PSKH1: variants seen among roughly 807,000 people sequenced by gnomAD.
PSKH1 encodes serine/threonine-protein kinase H1.
PSKH1 carries 12 observed loss-of-function variants against 26.7 expected under a neutral mutation model. That is an observed-to-expected ratio of 0.45 (90% CI 0.29 to 0.73). The LOEUF (loss-of-function observed/expected upper bound fraction) is 0.73, where lower values mean the gene tolerates loss of function less well. Ranked by LOEUF, PSKH1 falls within the 30% of genes least tolerant of loss-of-function variation. The probability of loss-of-function intolerance (pLI) is 0.11; values close to 1 mark genes in which losing one functional copy is unlikely to be tolerated. For missense variants in PSKH1, 431 were observed against 595.2 expected (o/e 0.72, Z 2.87); for synonymous variants, 213 against 234.3 (o/e 0.91, Z 0.83).
chr16:67,905,093 T>G (rs112823686), intron 1 of PSKH1, among the ~76,000 whole-genome samples: 3 of 152,090 alleles, frequency 2.0e-5, no homozygotes, highest in Non-Finnish European at 4.4e-5. Context: ...CCCAAAGTGC[T>G]GGGATTACAG....
intron 1 of PSKH1, among the ~76,000 whole-genome samples, chr16:67,895,280 G>A (rs189515726): frequency 6.6e-6 from 1 of 151,874 alleles, no homozygotes; most frequent in East Asian, 1.9e-4. Context: ...GCCGAGGCTG[G>A]TGTCGAACTC....
chr16:67,923,593 C>A (rs892164520), intron 2 of PSKH1, among the ~76,000 whole-genome samples: 1 of 152,238 alleles, frequency 6.6e-6, no homozygotes, highest in African/African-American at 2.4e-5. Context: ...CAGCTGACAT[C>A]TTAGTGTTTC....
At chr16:67,908,302 C>T (rs2058162198) in intron 1 of PSKH1, among the ~76,000 whole-genome samples, 1 of 152,156 alleles carries the variant, frequency 6.6e-6, no homozygotes, top group South Asian at 2.1e-4. Flanking sequence ...CAGAGTCTTA[C>T]TCTGTCACCC....
intron 2 of PSKH1, among the ~76,000 whole-genome samples, chr16:67,920,921 G>A (rs1367977988): frequency 2.0e-5 from 3 of 151,936 alleles, no homozygotes; most frequent in Admixed American, 6.6e-5. Context: ...ACTGCAGTGT[G>A]GATGAGATGG....
At chr16:67,903,680 T>C (rs1262504897) in intron 1 of PSKH1, among the ~76,000 whole-genome samples, 2 of 152,012 alleles carry the variant, frequency 1.3e-5, no homozygotes, top group African/African-American at 2.4e-5. Context: ...CTGAACTCTT[T>C]CCACTGCTTC....
chr16:67,923,153 G>A (rs1190550523), intron 2 of PSKH1, among the ~76,000 whole-genome samples: 1 of 152,186 alleles, frequency 6.6e-6, no homozygotes, highest in Non-Finnish European at 1.5e-5. Flanking sequence ...CACTGCCTAG[G>A]AGTGGCTTTG....
intron 2 of PSKH1, among the ~76,000 whole-genome samples, chr16:67,915,866 C>T (rs1233102265): frequency 6.6e-6 from 1 of 152,334 alleles, no homozygotes. Context: ...CACCTGCTCA[C>T]ACCTGGGGAA....
chr16:67,927,635 A>G lies in PSKH1; in HGVS notation c.1268A>G (p.Asn423Ser), dbSNP rs1381152492. ...AACCTGCGCTACCAGCAGCAATACAATGGCTGAGCCGCCTGGCTGTGCACA... is the reference window on the plus strand; with the variant it reads ...AACCTGCGCTACCAGCAGCAATACAGTGGCTGAGCCGCCTGGCTGTGCACA... ...ELNLRYQQQY[N>S]G Residue 423 changes from asparagine (N) to serine (S), a missense_variant, in exon 3 of 3, where the codon AAT becomes AGT. By Grantham distance (46) the Asn-to-Ser change is conservative. Transcript: ENST00000291041. This position sits in a 1 kb window ranked among gnomAD's most constrained non-coding sequence, Gnocchi z 5.5. 4 of 1,602,432 alleles carry G rather than the reference A, an allele frequency of 2.5e-6. No homozygotes were observed. The highest frequency in any genetic ancestry group is 2.5e-6 in the Non-Finnish European group (3 of 1,177,608).
chr16:67,920,178 G>T (rs181687517), intron 2 of PSKH1, among the ~76,000 whole-genome samples: 1 of 152,292 alleles, frequency 6.6e-6, no homozygotes, highest in Admixed American at 6.5e-5. Flanking sequence ...CCTTTCACAG[G>T]CTCTGTCGCT....
At chr16:67,921,590 AAAAAAC>A (rs1752294411) in intron 2 of PSKH1, among the ~76,000 whole-genome samples, 3 of 152,114 alleles carry the variant, frequency 2.0e-5, no homozygotes, top group Admixed American at 6.6e-5. Context: ...CTCTTAAAAA[AAAAAAC>A]AAAAACAAAA....
intron 2 of PSKH1, among the ~76,000 whole-genome samples, chr16:67,924,470 G>A (rs2058210913): frequency 6.6e-6 from 1 of 152,220 alleles, no homozygotes. Context: ...GGGCTGGTCT[G>A]GGGAGAGGCC....
chr16:67,898,717 G>A (rs188589982), intron 1 of PSKH1, among the ~76,000 whole-genome samples: 3 of 150,794 alleles, frequency 2.0e-5, no homozygotes, highest in East Asian at 2.0e-4. Flanking sequence ...TCTGCCTTCC[G>A]GGTTCAAGCA....
chr16:67,927,509 C>T lies in PSKH1; in HGVS notation c.1142C>T (p.Ser381Leu), dbSNP rs137887537. The change falls in exon 3 of 3, where the codon TCG becomes TTG. Residue 381 changes from serine to leucine, a missense_variant. Coordinates refer to ENST00000291041, the MANE Select transcript of PSKH1 (RefSeq NM_006742.3). The surrounding 1 kb of genome is among the most constrained non-coding windows in gnomAD (Gnocchi z 5.5). The part of the protein sequence containing the change: ...ISQNLLKRAS[S>L]RCQSTKSAQS... ...CAGAACCTCCTTAAACGTGCCTCCT[C>T]GCGCTGCCAGAGCACCAAATCTGCC... 124 of 1,614,162 alleles carry T rather than the reference C, an allele frequency of 7.7e-5. No homozygotes were observed. The highest frequency in any genetic ancestry group is 4.9e-5 in the Non-Finnish European group (58 of 1,180,042).
intron 1 of PSKH1, among the ~76,000 whole-genome samples, chr16:67,893,860 C>T (rs986697600): frequency 3.3e-5 from 5 of 152,212 alleles, no homozygotes; most frequent in African/African-American, 1.2e-4. Context: ...GCAAGCTTGT[C>T]ATTCCTCTAC....
At chr16:67,917,371 C>T (rs2058190694) in intron 2 of PSKH1, among the ~76,000 whole-genome samples, 1 of 152,230 alleles carries the variant, frequency 6.6e-6, no homozygotes, top group Non-Finnish European at 1.5e-5. Flanking sequence ...TTTCTTGTTT[C>T]AGTGCTTTCT....
chr16:67,923,301 A>C (rs1314500989), intron 2 of PSKH1, among the ~76,000 whole-genome samples: 2 of 151,750 alleles, frequency 1.3e-5, no homozygotes, highest in African/African-American at 4.8e-5. Flanking sequence ...GGGGAAAAGG[A>C]CTCTTTTGAG....
At chr16:67,899,000 G>A (rs2058134321) in intron 1 of PSKH1, among the ~76,000 whole-genome samples, 1 of 152,090 alleles carries the variant, frequency 6.6e-6, no homozygotes, top group Non-Finnish European at 1.5e-5. Context: ...GCTTGGAGAG[G>A]GCAAGGTTCC....
rs542731814 is a variant in PSKH1, at chr16:67,900,241, C to T, written c.-71+6870C>T. ...CCTCCCAAAATGCTGTGATTATAGG[C>T]GTGAGCCACTGCGCCCGGCCAGACC... On this transcript the variant is annotated intron_variant, in intron 1 of 2. Coordinates refer to ENST00000291041, the MANE Select transcript of PSKH1 (RefSeq NM_006742.3). 1.6e-4 allele frequency among the ~76,000 whole-genome samples: 25 copies of T among 152,210 alleles called. 1 individual carries two copies. The highest frequency in any genetic ancestry group is 5.8e-4 in the African/African-American group (24 of 41,496).
chr16:67,922,612 G>A (rs1267440093), intron 2 of PSKH1, among the ~76,000 whole-genome samples: 1 of 152,254 alleles, frequency 6.6e-6, no homozygotes, highest in Admixed American at 6.5e-5. Flanking sequence ...AGGAAAAGGT[G>A]GAGAAAAAGG....
Sources: gnomAD v4.1 joint callset for allele counts (sites outside exome capture counted in the v4.1 genomes callset) on GRCh38, gnomAD v4.1.1 for gene constraint, Gnocchi (gnomAD v3.1) non-coding constraint, MANE v1.5 for transcripts, NCBI Gene and HGNC (gene_info 2026-07-23, HGNC 2026-07-21) for gene names.